PPP1R9A: variants seen among roughly 807,000 people sequenced by gnomAD.
PPP1R9A encodes the protein protein phosphatase 1 regulatory subunit 9A.
Under a neutral mutation model 141.9 loss-of-function variants are expected in PPP1R9A, and 59 were observed. That is an observed-to-expected ratio of 0.42 (90% CI 0.34 to 0.52). The LOEUF is 0.52. PPP1R9A is among the 20% of genes least tolerant of loss of function. The probability of loss-of-function intolerance (pLI) is 0.10; values close to 1 mark genes in which losing one functional copy is unlikely to be tolerated. For synonymous variants in PPP1R9A, 500 were observed against 569.7 expected (o/e 0.88, Z 1.74); for missense variants, 1,444 against 1,611.9 (o/e 0.90, Z 1.78).
chr7:94,924,314 A>G (rs1793187763), intron 2 of PPP1R9A, among the ~76,000 whole-genome samples: 1 of 152,162 alleles, frequency 6.6e-6, no homozygotes, highest in Non-Finnish European at 1.5e-5. Context: ...CATAGAGACT[A>G]TGACACTTGT....
intron 4 of PPP1R9A, among the ~76,000 whole-genome samples, chr7:95,154,412 G>T (rs2152679277): frequency 6.6e-6 from 1 of 152,108 alleles, no homozygotes; most frequent in Middle Eastern, 3.4e-3. Context: ...TTAAAAATTT[G>T]TTGAGGCTTG....
At chr7:95,120,239 G>A (rs1314314336) in intron 3 of PPP1R9A, among the ~76,000 whole-genome samples, 1 of 152,162 alleles carries the variant, frequency 6.6e-6, no homozygotes, top group African/African-American at 2.4e-5. Flanking sequence ...TTGCTAGCAT[G>A]AGCCACCATG....
Position 95,252,855 on chromosome 7 carries a change from G to C in PPP1R9A, c.2665+725G>C, listed in dbSNP as rs546951413. On this transcript the variant is annotated intron_variant, in intron 12 of 19. Transcript: ENST00000433360. ...GCTGCTTTCAGCACTTGAGATTCAT[G>C]TAGTTAACGAAGTCCATATAGTTTT... Among the ~76,000 whole-genome samples the C allele has an allele frequency of 7.9e-5, 12 of 152,310 alleles. No individual in the cohort carries two copies. In the South Asian group the frequency reaches 2.5e-3, roughly 32 times the overall value.
At chr7:95,256,988 A>C (rs1323204290) in intron 12 of PPP1R9A, among the ~76,000 whole-genome samples, 1 of 152,170 alleles carries the variant, frequency 6.6e-6, no homozygotes, top group African/African-American at 2.4e-5. Flanking sequence ...TTTTATGCAA[A>C]ATTAATCTAT....
intron 2 of PPP1R9A, among the ~76,000 whole-genome samples, chr7:94,948,145 C>T (rs1406168171): frequency 6.6e-6 from 1 of 151,788 alleles, no homozygotes; most frequent in East Asian, 1.9e-4. Flanking sequence ...CAGTATGGGT[C>T]CGTAGGAATA....
chr7:95,161,913 G>T lies in PPP1R9A; in HGVS notation c.1696G>T (p.Val566Leu), dbSNP rs143951710. The part of the protein sequence containing the change: ...QIVEVDGISL[V>L]GVTQNFAATV... ...TGTGGAAGTGGATGGAATCAGCTTGGTGGGTGTGACACAGAATTTTGCAGC... is the reference window on the plus strand; with the variant it reads ...TGTGGAAGTGGATGGAATCAGCTTGTTGGGTGTGACACAGAATTTTGCAGC... The change falls in exon 5 of 20, where the codon GTG (valine) becomes TTG (leucine). Residue 566 changes from valine to leucine, a missense_variant. By Grantham distance (32) the Val-to-Leu change is conservative. Coordinates refer to ENST00000433360, the MANE Select transcript of PPP1R9A (RefSeq NM_001166160.2). The T allele has an allele frequency of 6.2e-7, 1 of 1,611,340 alleles. No individual in the cohort carries two copies. Among genetic ancestry groups the T allele is most frequent in the South Asian group, 1.1e-5 (1 of 90,798 alleles).
At chr7:95,107,382 A>G (rs1298154077) in intron 2 of PPP1R9A, among the ~76,000 whole-genome samples, 1 of 152,138 alleles carries the variant, frequency 6.6e-6, no homozygotes, top group Non-Finnish European at 1.5e-5. Context: ...TTTATTGCCT[A>G]GAAGTTTTTG....
intron 2 of PPP1R9A, among the ~76,000 whole-genome samples, chr7:94,946,646 A>G (rs1013388523): frequency 6.6e-6 from 1 of 152,150 alleles, no homozygotes; most frequent in Non-Finnish European, 1.5e-5. Context: ...GCCTGTGTAT[A>G]TTGACTGTCA....
chr7:94,962,718 G>C (rs1003806007), intron 2 of PPP1R9A, among the ~76,000 whole-genome samples: 1 of 151,976 alleles, frequency 6.6e-6, no homozygotes, highest in African/African-American at 2.4e-5. Flanking sequence ...ATTAATATAC[G>C]TGAAATGCAG....
At position 95,013,203 on chromosome 7, in the gene PPP1R9A, G is replaced by C. The variant is rs1216862785; in HGVS notation, c.1396-98056G>C. Among the ~76,000 whole-genome samples, 3 of 151,920 alleles carry C rather than the reference G, an allele frequency of 2.0e-5. No homozygotes were observed. In the East Asian group the frequency reaches 5.8e-4, roughly 29 times the overall value. ...CTGCATAAGAAATTAACCAACTGAT[G>C]GTTTTATTTGAAGGATAGGGGTTTA... On this transcript the variant is annotated intron_variant, in intron 2 of 19. Coordinates refer to ENST00000433360, the MANE Select transcript of PPP1R9A (RefSeq NM_001166160.2).
intron 5 of PPP1R9A, among the ~76,000 whole-genome samples, chr7:95,190,472 C>G (rs183611915): frequency 1.3e-5 from 2 of 152,134 alleles, no homozygotes; most frequent in African/African-American, 4.8e-5. Flanking sequence ...GTTTTAGACA[C>G]GTTGAGGATG....
intron 5 of PPP1R9A, among the ~76,000 whole-genome samples, chr7:95,181,671 TATATATATATTCCGTCACATATATATAGA>T (rs1833850002): frequency 8.3e-6 from 1 of 120,606 alleles, no homozygotes; most frequent in East Asian, 2.3e-4. Flanking sequence ...ATATATAGAA[TATATATATATTCCGTCACATATATATAGA>T]ATATATATAT....
At chr7:95,218,079 A>G (rs889234642) in intron 7 of PPP1R9A, among the ~76,000 whole-genome samples, 25 of 152,080 alleles carry the variant, frequency 1.6e-4, no homozygotes, top group African/African-American at 5.8e-4. Context: ...TCAATTTTCT[A>G]TCTTTCCTGC....
chr7:94,946,996 C>T (rs1269359687), intron 2 of PPP1R9A, among the ~76,000 whole-genome samples: 1 of 152,078 alleles, frequency 6.6e-6, no homozygotes, highest in East Asian at 1.9e-4. Context: ...TATTTGTATC[C>T]TTTTATTATT....
At chr7:95,289,567 T>C (rs966004489) in intron 19 of PPP1R9A, among the ~76,000 whole-genome samples, 18 of 152,336 alleles carry the variant, frequency 1.2e-4, no homozygotes, top group Middle Eastern at 3.4e-3. Flanking sequence ...ATCAACTTCC[T>C]TTATAGGTCT....
Position 95,113,316 on chromosome 7 carries a change from C to T in PPP1R9A, c.1528+1925C>T, listed in dbSNP as rs547131160. Among the ~76,000 whole-genome samples the T allele has an allele frequency of 7.2e-5, 11 of 152,006 alleles. No individual in the cohort carries two copies. In the South Asian group the frequency reaches 1.2e-3, roughly 17 times the overall value. On this transcript the variant is annotated intron_variant, in intron 3 of 19. Transcript: ENST00000433360. ...AGTTGTAGGCAACAGAAGAGAAAAACGACAATGGAGAAGGACAGACTAATA... is the reference window on the plus strand; with the variant it reads ...AGTTGTAGGCAACAGAAGAGAAAAATGACAATGGAGAAGGACAGACTAATA...
chr7:95,290,350 A>G lies in PPP1R9A; in HGVS notation c.*47A>G, dbSNP rs1336220890. 1.5e-5 allele frequency: 23 copies of G among 1,542,292 alleles called. No individual in the cohort carries two copies. Among genetic ancestry groups the G allele is most frequent in the Non-Finnish European group, 1.8e-5 (20 of 1,135,998 alleles). On this transcript the variant is annotated 3_prime_UTR_variant, in exon 20 of 20. Coordinates refer to ENST00000433360, the MANE Select transcript of PPP1R9A (RefSeq NM_001166160.2). The stretch of plus-strand genomic sequence containing the variant: ...TGGAGATGCTCCAAGAGAAGTCCCC[A>G]CCTCTTCCTGCCCTGCTCTCCTCCA...
intron 2 of PPP1R9A, among the ~76,000 whole-genome samples, chr7:94,912,017 T>C (rs2150594686): frequency 6.6e-6 from 1 of 152,292 alleles, no homozygotes; most frequent in African/African-American, 2.4e-5. Flanking sequence ...TTGTTGGAAC[T>C]TTTTTTGGGG....
chr7:95,260,022 G>C (rs1333267724), intron 12 of PPP1R9A, among the ~76,000 whole-genome samples: 1 of 151,900 alleles, frequency 6.6e-6, no homozygotes, highest in Non-Finnish European at 1.5e-5. Context: ...ATGAAATATT[G>C]AATTGCACTA....
Sources: allele counts gnomAD v4.1 joint callset (sites outside exome capture counted in the v4.1 genomes callset), GRCh38; gene constraint gnomAD v4.1.1; transcripts MANE v1.5; gene names NCBI Gene and HGNC (gene_info 2026-07-23, HGNC 2026-07-21).